RAD54L: variants seen among roughly 807,000 people sequenced by gnomAD.
RAD54L encodes the protein DNA repair and recombination protein RAD54-like.
A neutral mutation model predicts 91.6 loss-of-function variants in RAD54L; 74 were observed. The ratio of observed to expected loss-of-function variants is 0.81; its 90% CI spans 0.67 to 0.98. The LOEUF is 0.98. Among genes scored for constraint, RAD54L ranks in the 50% least tolerant of loss-of-function variants. The probability of loss-of-function intolerance (pLI) is 0.00; values close to 1 mark genes in which losing one functional copy is unlikely to be tolerated. For missense variants in RAD54L, 887 were observed against 945.7 expected, an observed-to-expected ratio of 0.94 and a Z score of 0.81; for synonymous variants, 304 against 349.7, an observed-to-expected ratio of 0.87 and a Z score of 1.46.
In RAD54L at chr1:46,261,012, C is replaced by G. The variant is rs2148288680; in HGVS notation, c.763C>G (p.Leu255Val). The change falls in exon 7 of 18, where the codon CTG becomes GTG. Residue 255 changes from leucine to valine, a missense_variant. By Grantham distance (32) the Leu-to-Val change is conservative (BLOSUM62 1). Transcript: ENST00000371975. ...GGSKDEIDQK[L>V]EGFMNQRGAR... ...ATCTAAGGATGAAATAGACCAAAAG[C>G]TGGGTACGGAGCCCTAACAAAGATG... The G allele has an allele frequency of 6.2e-7, 1 of 1,612,984 alleles. No individual in the cohort carries two copies. Among genetic ancestry groups the G allele is most frequent in the Non-Finnish European group, 8.5e-7 (1 of 1,179,856 alleles).
chr1:46,248,516 G>A lies in RAD54L; in HGVS notation c.8G>A (p.Arg3Lys), dbSNP rs748348499. The A allele has an allele frequency of 1.2e-6, 2 of 1,614,156 alleles. No individual in the cohort carries two copies. The highest frequency in any genetic ancestry group is 1.3e-5 in the African/African-American group (1 of 75,040). Residue 3 changes from arginine to lysine, a missense_variant, in exon 2 of 18, where the codon AGG (arginine) becomes AAG (lysine). Physicochemically the swap from Arg to Lys is conservative, Grantham distance 26. Coordinates refer to ENST00000371975, the MANE Select transcript of RAD54L (RefSeq NM_003579.4). Reference sequence around the variant, plus strand: ...GTTTCTGTTCTCCCTTTACAGAGGAGGAGCTTGGCTCCCAGCCAGCTGGCC... The same window carrying A: ...GTTTCTGTTCTCCCTTTACAGAGGAAGAGCTTGGCTCCCAGCCAGCTGGCC... MRRSLAPSQLAKR... is the reference protein window; with the variant it reads MRKSLAPSQLAKR...
intron 12 of RAD54L, 40 bp from the exon 13 acceptor site, chr1:46,273,315 A>G: frequency 1.3e-6 from 2 of 1,545,144 alleles, no homozygotes; most frequent in African/African-American, 2.7e-5. Flanking sequence ...TGGAAACTTC[A>G]GAAAGCAAAG....
intron 8 of RAD54L, among the ~76,000 whole-genome samples, chr1:46,266,476 A>T (rs143567296): frequency 6.0e-4 from 92 of 152,370 alleles, no homozygotes; most frequent in African/African-American, 2.1e-3. Context: ...TTGCCCATGT[A>T]GTTCTTGGAG....
intron 3 of RAD54L, 85 bp from the exon 4 acceptor site, chr1:46,258,601 A>C: frequency 9.3e-7 from 1 of 1,074,454 alleles, no homozygotes; most frequent in Non-Finnish European, 1.4e-6. Context: ...ATGCTGTTGT[A>C]CAAAACCTAA....
chr1:46,275,488 C>G (rs1346566338), intron 16 of RAD54L, among the ~76,000 whole-genome samples: 3 of 152,176 alleles, frequency 2.0e-5, no homozygotes, highest in South Asian at 2.1e-4. Flanking sequence ...TTATTTAGCC[C>G]AGTCTTCACT....
chr1:46,248,645 G>A lies in RAD54L; in HGVS notation c.90+47G>A, dbSNP rs771198310. 18 of 1,576,034 alleles carry A rather than the reference G, an allele frequency of 1.1e-5. No individual in the cohort carries two copies. In the East Asian group the frequency reaches 4.0e-4, roughly 35 times the overall value. On this transcript the variant is annotated intron_variant, in intron 2 of 17. Transcript: ENST00000371975. ...GAAGGTGGGTAGAGCTGTTTGGACAGAAAAGAAGCCAGGATTTGGTTTCTA... is the reference window on the plus strand; with the variant it reads ...GAAGGTGGGTAGAGCTGTTTGGACAAAAAAGAAGCCAGGATTTGGTTTCTA...
chr1:46,271,143 AT>A (rs367884845), intron 10 of RAD54L, among the ~76,000 whole-genome samples: 2 of 152,192 alleles, frequency 1.3e-5, no homozygotes, highest in African/African-American at 4.8e-5. Context: ...CCCAGGCCCC[AT>A]AGTCATTCTG....
intron 8 of RAD54L, among the ~76,000 whole-genome samples, chr1:46,266,927 G>T (rs554383677): frequency 3.9e-5 from 6 of 152,358 alleles, no homozygotes; most frequent in Admixed American, 3.3e-4. Context: ...GAAACAGGAA[G>T]TCTGTCTTTT....
intron 8 of RAD54L, 25 bp downstream of exon 8, chr1:46,261,410 T>A: frequency 6.2e-7 from 1 of 1,613,812 alleles, no homozygotes; most frequent in Non-Finnish European, 8.5e-7. Flanking sequence ...GCAGTCTGGG[T>A]GGTAGGAGAA....
rs11211264 is a variant in RAD54L, at chr1:46,270,485, A to G, written c.1043-174A>G. Among the ~76,000 whole-genome samples the G allele has an allele frequency of 2.3e-3, 341 of 151,368 alleles. No individual in the cohort carries two copies. The highest frequency in any genetic ancestry group is 7.9e-3 in the African/African-American group (328 of 41,574). The stretch of plus-strand genomic sequence containing the variant: ...CTATCATCTCACTTTTGGCCTTTCA[A>G]GTCTTCACTGCTTTGATACCTCTCT... On this transcript the variant is annotated intron_variant, in intron 9 of 17. Coordinates refer to ENST00000371975, the MANE Select transcript of RAD54L (RefSeq NM_003579.4).
At chr1:46,270,610 A>T in intron 9 of RAD54L, 49 bp from the exon 10 acceptor site, 1 of 1,611,272 alleles carries the variant, frequency 6.2e-7, no homozygotes, top group Middle Eastern at 1.7e-4. Context: ...GCTGTGGGAA[A>T]ATCATTCCTT....
At chr1:46,255,192 A>G (rs752764491) in intron 3 of RAD54L, among the ~76,000 whole-genome samples, 2 of 152,178 alleles carry the variant, frequency 1.3e-5, no homozygotes, top group Non-Finnish European at 2.9e-5. Context: ...AAGCAATCAA[A>G]TGAATATTTG....
intron 2 of RAD54L, among the ~76,000 whole-genome samples, chr1:46,248,848 G>A (rs1331118590): frequency 2.0e-5 from 3 of 152,190 alleles, no homozygotes; most frequent in Admixed American, 1.3e-4. Flanking sequence ...GAGCCAGTTG[G>A]ATTGGACCTT....
At chr1:46,268,745 T>C (rs935115701) in intron 9 of RAD54L, among the ~76,000 whole-genome samples, 2 of 152,246 alleles carry the variant, frequency 1.3e-5, no homozygotes, top group African/African-American at 4.8e-5. Context: ...TTGCATGTTA[T>C]GAGTACACTA....
intron 10 of RAD54L, 91 bp from the exon 11 acceptor site, chr1:46,272,375 C>T: frequency 8.9e-7 from 1 of 1,124,612 alleles, no homozygotes; most frequent in African/African-American, 1.5e-5. Context: ...TAAAAGAGGG[C>T]TAGTCTTGGT....
At chr1:46,258,568 C>A in intron 3 of RAD54L, 118 bp from the exon 4 acceptor site, 2 of 812,068 alleles carry the variant, frequency 2.5e-6, no homozygotes, top group Non-Finnish European at 4.3e-6. Flanking sequence ...TTTGTAGAAC[C>A]TTACATAAAG....
At chr1:46,258,530 G>A (rs753956597) in intron 3 of RAD54L, among the ~76,000 whole-genome samples, 156 bp from the exon 4 acceptor site, 2 of 152,166 alleles carry the variant, frequency 1.3e-5, no homozygotes, top group Non-Finnish European at 2.9e-5. Flanking sequence ...GGTTGACTGA[G>A]GCTGGGCCCT....
At chr1:46,277,795 T>C in intron 16 of RAD54L, 22 bp from the exon 17 acceptor site, 1 of 1,590,410 alleles carries the variant, frequency 6.3e-7, no homozygotes, top group Non-Finnish European at 8.6e-7. Flanking sequence ...TCTTTTGACA[T>C]TCCCCACCTC....
Position 46,278,115 on chromosome 1 carries a change from C to A in RAD54L, c.2077C>A (p.Pro693Thr). 2 of 1,614,016 alleles carry A rather than the reference C, an allele frequency of 1.2e-6. No individual in the cohort carries two copies. Among genetic ancestry groups the A allele is most frequent in the Non-Finnish European group, 1.7e-6 (2 of 1,179,952 alleles). The stretch of plus-strand genomic sequence containing the variant: ...TGTCAACAGCCGTCAGATCCGGCCA[C>A]CCCCTGATGGTTCTGACTGCACTTC... ...RCVNSRQIRP[P>T]PDGSDCTSDL... Residue 693 changes from proline to threonine, a missense_variant, in exon 18 of 18, where the codon CCC becomes ACC. By Grantham distance (38) the Pro-to-Thr change is conservative (BLOSUM62 -1). Transcript: ENST00000371975.
Sources: allele counts gnomAD v4.1 joint callset (sites outside exome capture counted in the v4.1 genomes callset), GRCh38; gene constraint gnomAD v4.1.1; transcripts MANE v1.5; gene names NCBI Gene and HGNC (gene_info 2026-07-23, HGNC 2026-07-21).